The following RARB variants were observed in gnomAD, a reference collection of about 807,000 sequenced individuals.
The protein encoded by RARB is HBV-activated protein.
In RARB, 17 loss-of-function variants were observed where a neutral mutation model predicts 51.9. The observed-to-expected ratio is 0.33, with a 90% confidence interval of 0.22 to 0.49. RARB has a LOEUF of 0.49. RARB is among the 20% of genes least tolerant of loss of function. The pLI is 0.99. For missense variants in RARB, 369 were observed against 550.8 expected (o/e 0.67, Z 3.30); for synonymous variants, 215 against 195.4 (o/e 1.10, Z -0.84).
At chr3:25,267,271 T>C (rs1393008090) in intron 5 of RARB, among the ~76,000 whole-genome samples, 2 of 152,178 alleles carry the variant, frequency 1.3e-5, no homozygotes, top group Non-Finnish European at 2.9e-5. Flanking sequence ...TTTGAGCAGC[T>C]AGTATACAAG....
At chr3:24,988,439 T>C (rs1696840567) in intron 2 of RARB, among the ~76,000 whole-genome samples, 1 of 152,226 alleles carries the variant, frequency 6.6e-6, no homozygotes, top group African/African-American at 2.4e-5. Flanking sequence ...CCAGACTTAA[T>C]ATTAATTTGA....
intron 2 of RARB, among the ~76,000 whole-genome samples, chr3:25,467,775 C>T (rs1206867098): frequency 6.6e-6 from 1 of 152,206 alleles, no homozygotes; most frequent in African/African-American, 2.4e-5. Context: ...TTCTGACAAC[C>T]TTATTCACCA....
rs529208486 is a variant in RARB, at chr3:24,879,053, T to C, written c.-380+20301T>C. Among the ~76,000 whole-genome samples the C allele has an allele frequency of 4.6e-5, 7 of 152,298 alleles. No individual in the cohort carries two copies. The South Asian group carries it at 1.5e-3, about 32-fold the overall frequency. ...ACTGGCTTTCACACCTACTTTTCTT[T>C]TATGTTTTATATATTTTTTTTCTCA... is the stretch of plus-strand genomic sequence containing the variant. On this transcript the variant is annotated intron_variant, in intron 2 of 11. Transcript: ENST00000383772.
intron 1 of RARB, among the ~76,000 whole-genome samples, chr3:25,457,310 C>T (rs147330890): frequency 6.6e-6 from 1 of 152,232 alleles, no homozygotes; most frequent in Non-Finnish European, 1.5e-5. Context: ...TTGCCCATAG[C>T]GTATAACACA....
chr3:25,287,744 A>G (rs969642278), intron 5 of RARB, among the ~76,000 whole-genome samples: 2 of 152,160 alleles, frequency 1.3e-5, no homozygotes, highest in Admixed American at 6.5e-5. Flanking sequence ...TGTATTGCAT[A>G]TTTTCCACTG....
intron 3 of RARB, among the ~76,000 whole-genome samples, chr3:25,542,699 C>G (rs951397652): frequency 6.6e-6 from 1 of 152,212 alleles, no homozygotes; most frequent in Non-Finnish European, 1.5e-5. Flanking sequence ...CTCCTCTGTT[C>G]CCTTGTGCAA....
At position 25,597,781 on chromosome 3, in the gene RARB, T is replaced by A. The variant is rs1277092560; in HGVS notation, c.*1165T>A. The A allele has an allele frequency of 6.6e-6, 1 of 152,448 alleles. No individual in the cohort carries two copies. The highest frequency in any genetic ancestry group is 1.5e-5 in the Non-Finnish European group (1 of 68,006). The allele number at this position is 152,448 out of a possible 1,614,324, so 9.4% of individuals were successfully genotyped here. ...TCATTTAAGCACTAGTGGAATTTTT[T>A]TTTTTTGATATATTAGCAAGTCTGT... is the stretch of plus-strand genomic sequence containing the variant. On this transcript the variant is annotated 3_prime_UTR_variant, in exon 8 of 8. Coordinates refer to ENST00000330688, the MANE Select transcript of RARB (RefSeq NM_000965.5).
chr3:25,309,948 G>T (rs1704249258), intron 5 of RARB, among the ~76,000 whole-genome samples: 1 of 152,112 alleles, frequency 6.6e-6, no homozygotes, highest in African/African-American at 2.4e-5. Flanking sequence ...TGAAAGCAAA[G>T]ATTCTTCTTG....
intron 2 of RARB, among the ~76,000 whole-genome samples, chr3:25,037,288 C>T (rs1156899298): frequency 2.7e-5 from 4 of 149,282 alleles, no homozygotes; most frequent in Non-Finnish European, 4.4e-5. Context: ...TTGGCCATGG[C>T]GAATAAAGTT....
chr3:24,832,825 C>T (rs1409452418), intron 1 of RARB, among the ~76,000 whole-genome samples: 3 of 151,898 alleles, frequency 2.0e-5, no homozygotes, highest in Non-Finnish European at 4.4e-5. Context: ...TATTTAACCT[C>T]TCTGAACCTC....
chr3:25,209,910 A>G (rs1376937245), intron 5 of RARB, among the ~76,000 whole-genome samples: 1 of 152,170 alleles, frequency 6.6e-6, no homozygotes, highest in African/African-American at 2.4e-5. Context: ...ATCTTCCTAC[A>G]TTTAACTTGG....
chr3:25,456,682 T>TATATATATATATATAGAGAG (rs1491372969), intron 1 of RARB, among the ~76,000 whole-genome samples: 3 of 88,394 alleles, frequency 3.4e-5, no homozygotes, highest in Admixed American at 1.2e-4. Context: ...TATATATATA[T>TATATATATATATATAGAGAG]AGAGAGAGAG....
At chr3:25,506,839 T>C (rs903374949) in intron 3 of RARB, among the ~76,000 whole-genome samples, 7 of 152,254 alleles carry the variant, frequency 4.6e-5, no homozygotes, top group Non-Finnish European at 1.0e-4. Flanking sequence ...GGCTGCTCTG[T>C]GATCCCATCC....
rs1477285136 is a variant in RARB, at chr3:24,996,115, TA to T, written c.-379-64009del. Among the ~76,000 whole-genome samples, 7 of 152,250 alleles carry T rather than the reference TA, an allele frequency of 4.6e-5. No homozygotes were observed. In the East Asian group the frequency reaches 1.4e-3, roughly 29 times the overall value. Reference sequence around the variant, plus strand: ...GACTTTTCTTTGTTGGAAGACTTTTTATTACTGATTCAATCCCATGCCTTGT... The same window carrying T: ...GACTTTTCTTTGTTGGAAGACTTTTTTTACTGATTCAATCCCATGCCTTGT... On this transcript the variant is annotated intron_variant, in intron 2 of 11. Coordinates refer to the RARB transcript ENST00000383772.
chr3:25,014,287 G>A (rs1697461599), intron 2 of RARB, among the ~76,000 whole-genome samples: 1 of 151,976 alleles, frequency 6.6e-6, no homozygotes, highest in Admixed American at 6.6e-5. Context: ...AATGTGCTGG[G>A]TTCATGTTGT....
At position 25,596,586 on chromosome 3, in the gene RARB, T is replaced by G. The variant is rs1000790545; in HGVS notation, c.1317T>G (p.Ser439Arg). ...PSISPSSVEN[S>R]GVSQSPLVQ The stretch of plus-strand genomic sequence containing the variant: ...TCTCACCCAGCTCAGTGGAAAACAG[T>G]GGGGTCAGTCAGTCACCACTCGTGC... The change falls in exon 8 of 8, where the codon AGT (serine) becomes AGG (arginine). Residue 439 changes from serine to arginine, a missense_variant. Ser to Arg is a moderately radical substitution (Grantham distance 110). Transcript: ENST00000330688. 10 of 1,610,592 alleles carry G rather than the reference T, an allele frequency of 6.2e-6. No individual in the cohort carries two copies. In the African/African-American group the frequency reaches 1.1e-4, roughly 17 times the overall value.
intron 2 of RARB, among the ~76,000 whole-genome samples, chr3:24,977,040 T>C (rs569199967): frequency 6.6e-6 from 1 of 152,308 alleles, no homozygotes; most frequent in Admixed American, 6.5e-5. Flanking sequence ...TTTCTTGTTT[T>C]TGTCAGGTTT....
At chr3:24,872,547 G>GT (rs1702966987) in intron 2 of RARB, among the ~76,000 whole-genome samples, 1 of 152,128 alleles carries the variant, frequency 6.6e-6, no homozygotes. Flanking sequence ...TCCAACCATG[G>GT]TGGAAGGTGA....
chr3:25,140,994 A>G (rs928716528), intron 4 of RARB, among the ~76,000 whole-genome samples: 1 of 152,204 alleles, frequency 6.6e-6, no homozygotes, highest in Non-Finnish European at 1.5e-5. Flanking sequence ...ACTCAAGTAT[A>G]TTAACCTAAA....
Sources: allele counts gnomAD v4.1 joint callset (sites outside exome capture counted in the v4.1 genomes callset), GRCh38; gene constraint gnomAD v4.1.1; transcripts MANE v1.5; gene names NCBI Gene and HGNC (gene_info 2026-07-23, HGNC 2026-07-21).